The following CPS1 variants were observed in gnomAD, a reference collection of about 807,000 sequenced individuals.
CPS1 encodes the protein carbamoyl-phosphate synthase 1, also known as carbamoyl-phosphate synthase [ammonia], mitochondrial.
In CPS1, 109 loss-of-function variants were observed where a neutral mutation model predicts 174.6. The ratio of observed to expected loss-of-function variants is 0.62; its 90% CI spans 0.53 to 0.73. The LOEUF is 0.73. Ranked by LOEUF, CPS1 falls within the 30% of genes least tolerant of loss-of-function variation. CPS1 has a pLI of 0.00. For synonymous variants in CPS1, 637 were observed against 632.0 expected (o/e 1.01, Z -0.12); for missense variants, 1,689 against 1,821.9 (o/e 0.93, Z 1.33).
At chr2:210,569,365 T>G (rs575031499) in intron 1 of CPS1, among the ~76,000 whole-genome samples, 1 of 152,072 alleles carries the variant, frequency 6.6e-6, no homozygotes, top group African/African-American at 2.4e-5. Context: ...AATCTTTAAA[T>G]TTTGGATTTT....
At chr2:210,666,664 C>T (rs1430177356) in intron 33 of CPS1, among the ~76,000 whole-genome samples, 2 of 152,066 alleles carry the variant, frequency 1.3e-5, no homozygotes, top group Non-Finnish European at 2.9e-5. Context: ...TCTGAGGGCT[C>T]TGTTCCGTTC....
intron 11 of CPS1, 104 bp downstream of exon 11, chr2:210,593,060 A>G: frequency 2.0e-6 from 2 of 1,008,620 alleles, no homozygotes; most frequent in Non-Finnish European, 3.1e-6. Flanking sequence ...TGAGCAGAAC[A>G]TTCTCAAGAA....
At chr2:210,575,170 A>G (rs1697648979) in intron 2 of CPS1, among the ~76,000 whole-genome samples, 1 of 152,004 alleles carries the variant, frequency 6.6e-6, no homozygotes, top group African/African-American at 2.4e-5. Context: ...CTGAAAGACT[A>G]TGTATTTTGT....
intron 21 of CPS1, among the ~76,000 whole-genome samples, chr2:210,633,722 A>C (rs1199803326): frequency 6.6e-6 from 1 of 152,224 alleles, no homozygotes; most frequent in African/African-American, 2.4e-5. Flanking sequence ...CCATGTAAGA[A>C]GGAATGCAAA....
At chr2:210,493,453 T>C (rs1013875982) in intron 1 of CPS1, among the ~76,000 whole-genome samples, 1 of 152,240 alleles carries the variant, frequency 6.6e-6, no homozygotes, top group South Asian at 2.1e-4. Flanking sequence ...TCAGTGTTTC[T>C]GAGTGAGATG....
intron 34 of CPS1, among the ~76,000 whole-genome samples, chr2:210,671,332 C>A (rs73076052): frequency 0.02 from 3,054 of 152,240 alleles, 100 homozygotes; most frequent in African/African-American, 0.069. Context: ...AATATGGAAT[C>A]ATTAGGAACA....
intron 1 of CPS1, among the ~76,000 whole-genome samples, chr2:210,508,884 A>G (rs921312204): frequency 6.6e-6 from 1 of 152,226 alleles, no homozygotes; most frequent in African/African-American, 2.4e-5. Flanking sequence ...TGAGGCAATA[A>G]TTAATAGCTT....
intron 1 of CPS1, among the ~76,000 whole-genome samples, chr2:210,540,072 A>AC (rs1305202652): frequency 6.6e-6 from 1 of 152,196 alleles, no homozygotes; most frequent in Non-Finnish European, 1.5e-5. Context: ...CTACCACTTC[A>AC]CCAGATGTGA....
At chr2:210,607,142 G>A (rs1259204221) in intron 18 of CPS1, among the ~76,000 whole-genome samples, 5 of 151,884 alleles carry the variant, frequency 3.3e-5, no homozygotes, top group African/African-American at 1.2e-4. Context: ...ATTGCTAGCT[G>A]GCTTTGTTTG....
intron 1 of CPS1, among the ~76,000 whole-genome samples, chr2:210,495,244 C>G (rs955616632): frequency 3.3e-5 from 5 of 152,126 alleles, no homozygotes; most frequent in Non-Finnish European, 7.3e-5. Context: ...AGAGGAACCT[C>G]TTATTTGTAG....
chr2:210,675,060 C>T, intron 35 of CPS1, 99 bp downstream of exon 35: 5 of 938,758 alleles, frequency 5.3e-6, no homozygotes, highest in South Asian at 5.3e-5. Flanking sequence ...CAAAATATGT[C>T]CTTTTGATAT....
chr2:210,581,184 G>T (rs1290292377), intron 5 of CPS1, among the ~76,000 whole-genome samples: 1 of 152,066 alleles, frequency 6.6e-6, no homozygotes, highest in East Asian at 1.9e-4. Context: ...GCAATGACGA[G>T]GCTATGAGGG....
chr2:210,664,073 G>A (rs979929957), intron 33 of CPS1, among the ~76,000 whole-genome samples: 1 of 152,150 alleles, frequency 6.6e-6, no homozygotes, highest in African/African-American at 2.4e-5. Flanking sequence ...CAGGCAGTCA[G>A]GAATAAATGG....
At chr2:210,558,418 C>G (rs188030213) in intron 1 of CPS1, among the ~76,000 whole-genome samples, 41 of 151,980 alleles carry the variant, frequency 2.7e-4, no homozygotes, top group African/African-American at 9.4e-4. Context: ...GGAGAATATT[C>G]TAAACTAACA....
intron 1 of CPS1, among the ~76,000 whole-genome samples, chr2:210,507,270 T>C (rs10165456): frequency 0.61 from 92,977 of 151,382 alleles, 28,912 homozygotes; most frequent in South Asian, 0.68. Context: ...TCTTATCCAG[T>C]GAAACTAAGC....
intron 1 of CPS1, among the ~76,000 whole-genome samples, chr2:210,500,597 C>T (rs894963183): frequency 6.6e-6 from 1 of 152,210 alleles, no homozygotes; most frequent in Non-Finnish European, 1.5e-5. Context: ...AAAATGATCT[C>T]CTTTGACTCT....
intron 1 of CPS1, among the ~76,000 whole-genome samples, chr2:210,509,378 T>C (rs1695387408): frequency 6.6e-6 from 1 of 152,114 alleles, no homozygotes; most frequent in Non-Finnish European, 1.5e-5. Context: ...ATGGGACATA[T>C]CTCAAAATAA....
intron 21 of CPS1, among the ~76,000 whole-genome samples, chr2:210,625,132 G>A (rs1399777786): frequency 6.6e-6 from 1 of 151,524 alleles, no homozygotes; most frequent in Non-Finnish European, 1.5e-5. Context: ...TATGTGTAAG[G>A]TTTTGTGCTA....
chr2:210,556,464 A>G (rs1696915825), upstream of CPS1: 2 of 823,296 alleles, frequency 2.4e-6, no homozygotes, highest in South Asian at 2.9e-5. Flanking sequence ...TTTTAGCAGG[A>G]GAAGGTAGTA....
Sources: gnomAD v4.1 joint callset for allele counts (sites outside exome capture counted in the v4.1 genomes callset) on GRCh38, gnomAD v4.1.1 for gene constraint, MANE v1.5 for transcripts, NCBI Gene and HGNC (gene_info 2026-07-23, HGNC 2026-07-21) for gene names.